KLHL20: variants seen among roughly 807,000 people sequenced by gnomAD.
KLHL20 encodes kelch-like protein 20.
Under a neutral mutation model 69.5 loss-of-function variants are expected in KLHL20, and 29 were observed. The ratio of observed to expected loss-of-function variants is 0.42; its 90% CI spans 0.31 to 0.57. KLHL20 has a LOEUF of 0.57. KLHL20 is among the 20% of genes least tolerant of loss of function. KLHL20 has a pLI of 0.18. For synonymous variants in KLHL20, 253 were observed against 265.2 expected (o/e 0.95, Z 0.45); for missense variants, 419 against 776.0 (o/e 0.54, Z 5.47).
chr1:173,740,138 T>TTTG (rs1672731078), intron 3 of KLHL20, among the ~76,000 whole-genome samples: 1 of 149,904 alleles, frequency 6.7e-6, no homozygotes, highest in Non-Finnish European at 1.5e-5. Context: ...TTTTTTTTTT[T>TTTG]AATGATGGAG....
chr1:173,765,347 C>G (rs922563805), intron 7 of KLHL20, among the ~76,000 whole-genome samples: 1 of 151,944 alleles, frequency 6.6e-6, no homozygotes, highest in African/African-American at 2.4e-5. Flanking sequence ...ACTAAAAATA[C>G]AAAAAAAGAG....
intron 8 of KLHL20, among the ~76,000 whole-genome samples, chr1:173,772,536 A>G (rs1194971740): frequency 6.6e-6 from 1 of 152,232 alleles, no homozygotes; most frequent in Non-Finnish European, 1.5e-5. Flanking sequence ...TGCTTTTCTT[A>G]TAAGAACTGT....
chr1:173,772,089 C>A (rs1006925964), intron 8 of KLHL20, among the ~76,000 whole-genome samples: 1 of 152,148 alleles, frequency 6.6e-6, no homozygotes, highest in Non-Finnish European at 1.5e-5. Flanking sequence ...GAAAAAATTT[C>A]TATATATTCT....
At chr1:173,717,212 A>T (rs964141440) in intron 2 of KLHL20, among the ~76,000 whole-genome samples, 1 of 152,224 alleles carries the variant, frequency 6.6e-6, no homozygotes, top group Non-Finnish European at 1.5e-5. Flanking sequence ...GTCATATCTT[A>T]TATAATTGCT....
intron 7 of KLHL20, among the ~76,000 whole-genome samples, chr1:173,763,623 A>G (rs1647462878): frequency 6.6e-6 from 1 of 152,136 alleles, no homozygotes; most frequent in Non-Finnish European, 1.5e-5. Context: ...GCAAACAAAA[A>G]CATAAAGGGG....
At chr1:173,774,071 G>T (rs538407780) in intron 8 of KLHL20, among the ~76,000 whole-genome samples, 2 of 151,562 alleles carry the variant, frequency 1.3e-5, no homozygotes, top group Non-Finnish European at 2.9e-5. Flanking sequence ...GTCATAGGTT[G>T]TTTTCTTTCC....
intron 3 of KLHL20, among the ~76,000 whole-genome samples, chr1:173,736,682 G>A (rs764644811): frequency 4.0e-5 from 6 of 151,194 alleles, no homozygotes; most frequent in Non-Finnish European, 5.9e-5. Context: ...TGCAACCTCC[G>A]CCTCCCGGGT....
intron 8 of KLHL20, among the ~76,000 whole-genome samples, chr1:173,766,740 T>C (rs1244818167): frequency 6.6e-6 from 1 of 151,688 alleles, no homozygotes; most frequent in Non-Finnish European, 1.5e-5. Context: ...CAGCAAAAAG[T>C]CTTCAGTTGA....
chr1:173,736,638 C>T (rs1219772798), intron 3 of KLHL20, among the ~76,000 whole-genome samples: 1 of 151,734 alleles, frequency 6.6e-6, no homozygotes, highest in East Asian at 1.9e-4. Context: ...CTGTGTTGCC[C>T]AGGCTGGAGT....
At chr1:173,727,598 A>G (rs1336264762) in intron 2 of KLHL20, among the ~76,000 whole-genome samples, 2 of 152,232 alleles carry the variant, frequency 1.3e-5, no homozygotes, top group Non-Finnish European at 2.9e-5. Flanking sequence ...CCAATATTCA[A>G]CATTCTTAAA....
rs1032652001 is a variant in KLHL20, at chr1:173,757,255, G to A, written c.1151+96G>A. On this transcript the variant is annotated intron_variant, in intron 7 of 11. Transcript: ENST00000209884. ...CAAATTGATTTAATGCTTTAGTATTGCATCTGTGGCACTAGTTGGCAACCT... is the reference window on the plus strand; with the variant it reads ...CAAATTGATTTAATGCTTTAGTATTACATCTGTGGCACTAGTTGGCAACCT... The A allele has an allele frequency of 8.4e-6, 10 of 1,192,394 alleles. No individual in the cohort carries two copies. The South Asian group carries it at 1.3e-4, about 15-fold the overall frequency. 73.9% of individuals were successfully genotyped at this position (1,192,394 alleles called of 1,614,324 possible).
chr1:173,773,329 C>T (rs947266348), intron 8 of KLHL20, among the ~76,000 whole-genome samples: 1 of 151,200 alleles, frequency 6.6e-6, no homozygotes, highest in Non-Finnish European at 1.5e-5. Context: ...CACCTGTAAT[C>T]CCAGCACTTT....
chr1:173,764,910 G>T (rs1647591453), intron 7 of KLHL20, among the ~76,000 whole-genome samples: 1 of 152,074 alleles, frequency 6.6e-6, no homozygotes, highest in Non-Finnish European at 1.5e-5. Context: ...AAAAAAAATT[G>T]ATGGGTTAAA....
intron 5 of KLHL20, among the ~76,000 whole-genome samples, chr1:173,754,676 G>A (rs1673463621): frequency 1.3e-5 from 2 of 151,478 alleles, no homozygotes; most frequent in Admixed American, 6.6e-5. Context: ...CATTATACAT[G>A]CTGAAATCTG....
chr1:173,776,719 C>A (rs1025229560), intron 10 of KLHL20, among the ~76,000 whole-genome samples: 2 of 152,154 alleles, frequency 1.3e-5, no homozygotes, highest in African/African-American at 4.8e-5. Flanking sequence ...GTCAAAAAAA[C>A]AGTTCGCTGT....
rs760639359 is a variant in KLHL20, at chr1:173,734,094, G to C, written c.405G>C (p.Glu135Asp). 6.2e-7 allele frequency: 1 copy of C among 1,614,174 alleles called. No homozygotes were observed. The highest frequency in any genetic ancestry group is 1.7e-5 in the Admixed American group (1 of 60,016). ...ATACCTCCCAGATAACAGTAGAAGA[G>C]GGCAATGTTCAGACTCTTCTGCCAG... is the stretch of plus-strand genomic sequence containing the variant. ...FAYTSQITVE[E>D]GNVQTLLPAA... The change falls in exon 3 of 12, where the codon GAG (glutamate) becomes GAC (aspartate). Residue 135 changes from glutamate to aspartate, a missense_variant. By Grantham distance (45) the Glu-to-Asp change is conservative. Coordinates refer to ENST00000209884, the MANE Select transcript of KLHL20 (RefSeq NM_014458.4).
chr1:173,775,757 C>A lies in KLHL20; in HGVS notation c.1553C>A (p.Thr518Asn), dbSNP rs1475484569. 6.2e-7 allele frequency: 1 copy of A among 1,614,176 alleles called. No homozygotes were observed. The highest frequency in any genetic ancestry group is 1.7e-5 in the Admixed American group (1 of 60,010). ...MIYAVGGRDD[T>N]TELSSAERYN... ...TATGCTGTAGGAGGTAGAGATGACACTACAGAGCTGAGCAGTGCTGAGAGA... is the reference window on the plus strand; with the variant it reads ...TATGCTGTAGGAGGTAGAGATGACAATACAGAGCTGAGCAGTGCTGAGAGA... Residue 518 changes from threonine to asparagine, a missense_variant, in exon 10 of 12, where the codon ACT (threonine) becomes AAT (asparagine). Thr to Asn is a moderately conservative substitution (Grantham distance 65). Around this residue, in one of 6 missense-constraint regions of KLHL20, gnomAD observed 79 missense variants for 154.4 expected, o/e 0.51. Transcript: ENST00000209884.
At chr1:173,744,354 A>AT (rs1262624558) in intron 3 of KLHL20, among the ~76,000 whole-genome samples, 2 of 152,006 alleles carry the variant, frequency 1.3e-5, no homozygotes, top group Non-Finnish European at 2.9e-5. Flanking sequence ...TTTTTCTTCA[A>AT]TTTTTTAAAG....
chr1:173,774,732 C>T (rs1255975795), intron 9 of KLHL20, among the ~76,000 whole-genome samples: 1 of 111,674 alleles, frequency 9.0e-6, no homozygotes, highest in African/African-American at 5.6e-5. Context: ...TCCATCACAA[C>T]TTCTCCTCAA....
Sources: allele counts gnomAD v4.1 joint callset (sites outside exome capture counted in the v4.1 genomes callset), GRCh38; gene constraint gnomAD v4.1.1; regional missense constraint gnomAD v4.1.1; transcripts MANE v1.5; gene names NCBI Gene and HGNC (gene_info 2026-07-23, HGNC 2026-07-21).